KLF3: variants seen among roughly 807,000 people sequenced by gnomAD.
KLF3 encodes the protein KLF transcription factor 3, also known as Krueppel-like factor 3.
A neutral mutation model predicts 32.7 loss-of-function variants in KLF3; 6 were observed. The ratio of observed to expected loss-of-function variants is 0.18; its 90% CI spans 0.10 to 0.36. KLF3 has a LOEUF of 0.36. Among genes scored for constraint, KLF3 ranks in the 10% least tolerant of loss-of-function variants. The pLI is 1.00. For synonymous variants in KLF3, 145 were observed against 172.8 expected, an observed-to-expected ratio of 0.84 and a Z score of 1.26; for missense variants, 338 against 449.7, an observed-to-expected ratio of 0.75 and a Z score of 2.25.
At chr4:38,669,816 C>G (rs574451256) in intron 1 of KLF3, among the ~76,000 whole-genome samples, 1 of 131,226 alleles carries the variant, frequency 7.6e-6, no homozygotes, top group East Asian at 2.4e-4. Context: ...TTGCCTGAAC[C>G]TGGGAGGTGG....
In KLF3 at chr4:38,698,291, T is replaced by C. The variant is rs1166653724; in HGVS notation, c.*1028T>C. 6.6e-6 allele frequency: 1 copy of C among 152,628 alleles called. No homozygotes were observed. Among genetic ancestry groups the C allele is most frequent in the African/African-American group, 2.4e-5 (1 of 41,450 alleles). The allele number at this position is 152,628 out of a possible 1,614,324, so 9.5% of individuals were successfully genotyped here. On this transcript the variant is annotated 3_prime_UTR_variant, in exon 6 of 6. Coordinates refer to ENST00000261438, the MANE Select transcript of KLF3 (RefSeq NM_016531.6). ...TGGTTCTTCTTTTACCCAATCTGCT[T>C]ATAGCTTTTTTTGTAAACAGGGAAA...
intron 2 of KLF3, among the ~76,000 whole-genome samples, chr4:38,684,007 A>G (rs1324460823): frequency 6.6e-6 from 1 of 152,152 alleles, no homozygotes; most frequent in Non-Finnish European, 1.5e-5. Context: ...CTGTGCCTGG[A>G]ACCCTCTCTT....
intron 1 of KLF3, among the ~76,000 whole-genome samples, chr4:38,673,460 G>A (rs139803466): frequency 4.6e-5 from 7 of 152,356 alleles, no homozygotes; most frequent in Non-Finnish European, 7.3e-5. Flanking sequence ...GGCCTTGTGA[G>A]ATATGTACAC....
intron 1 of KLF3, among the ~76,000 whole-genome samples, chr4:38,676,937 G>A (rs7669915): frequency 1.4e-5 from 2 of 145,620 alleles, no homozygotes; most frequent in African/African-American, 5.1e-5. Context: ...AGCAAATCAG[G>A]TTCTGTTAGT....
intron 2 of KLF3, among the ~76,000 whole-genome samples, chr4:38,685,927 CCT>C (rs1722679585): frequency 6.6e-6 from 1 of 152,132 alleles, no homozygotes. Flanking sequence ...GAACCTTGTG[CCT>C]CTTTTAATAA....
chr4:38,683,420 G>A (rs73232890), intron 2 of KLF3, among the ~76,000 whole-genome samples: 20,466 of 152,018 alleles, frequency 0.13, 1,826 homozygotes, highest in Non-Finnish European at 0.21. Flanking sequence ...CACTAGCCTT[G>A]TGCTTTGAGG....
chr4:38,693,868 CTT>C (rs1268768388), intron 4 of KLF3, among the ~76,000 whole-genome samples: 2 of 152,158 alleles, frequency 1.3e-5, no homozygotes, highest in Admixed American at 6.5e-5. Flanking sequence ...CCACCACCTT[CTT>C]GCTGAAAAAA....
intron 2 of KLF3, among the ~76,000 whole-genome samples, chr4:38,687,466 T>C (rs911799458): frequency 2.0e-5 from 3 of 152,246 alleles, no homozygotes; most frequent in Admixed American, 1.3e-4. Context: ...TATTTAAAGC[T>C]GGCAGATGAA....
At chr4:38,676,996 T>C (rs1218793294) in intron 1 of KLF3, among the ~76,000 whole-genome samples, 1 of 149,896 alleles carries the variant, frequency 6.7e-6, no homozygotes, top group Non-Finnish European at 1.5e-5. Context: ...AGTTTCGCTT[T>C]TGTTGCCCAA....
intron 5 of KLF3, among the ~76,000 whole-genome samples, chr4:38,695,293 G>A (rs1204827589): frequency 6.6e-6 from 1 of 152,208 alleles, no homozygotes; most frequent in Non-Finnish European, 1.5e-5. Flanking sequence ...TCTTTGTGCA[G>A]CACAAATTAA....
At chr4:38,689,641 T>C in intron 3 of KLF3, 88 bp from the exon 4 acceptor site, 1 of 896,496 alleles carries the variant, frequency 1.1e-6, no homozygotes. Flanking sequence ...GTCATATCTG[T>C]GTTGTAGGTA....
intron 2 of KLF3, among the ~76,000 whole-genome samples, chr4:38,683,768 T>A (rs993723137): frequency 6.6e-6 from 1 of 152,226 alleles, no homozygotes; most frequent in African/African-American, 2.4e-5. Flanking sequence ...TGTGGAAAGA[T>A]TACTTTTGAA....
At chr4:38,669,700 C>G (rs1722141544) in intron 1 of KLF3, among the ~76,000 whole-genome samples, 1 of 151,828 alleles carries the variant, frequency 6.6e-6, no homozygotes, top group Admixed American at 6.6e-5. Context: ...CGAGACCAGC[C>G]TAGCCAACAT....
intron 1 of KLF3, among the ~76,000 whole-genome samples, chr4:38,678,625 G>A (rs1280863067): frequency 6.6e-6 from 1 of 152,160 alleles, no homozygotes. Flanking sequence ...GCACAAGAAC[G>A]ACATAGTATC....
rs1461998641 is a variant in KLF3 at position 38,697,522 on chromosome 4, T to C, written c.*259T>C. Reference sequence around the variant, plus strand: ...TCTGGGGATGCTAAGCAAACCCTTCTTACAGATACGTTTAATGTAATAAGA... The same window carrying C: ...TCTGGGGATGCTAAGCAAACCCTTCCTACAGATACGTTTAATGTAATAAGA... On this transcript the variant is annotated 3_prime_UTR_variant, in exon 6 of 6. Coordinates refer to ENST00000261438, the MANE Select transcript of KLF3 (RefSeq NM_016531.6). 4 of 374,950 alleles carry C rather than the reference T, an allele frequency of 1.1e-5. No homozygotes were observed. The highest frequency in any genetic ancestry group is 1.9e-5 in the Non-Finnish European group (4 of 208,554). The allele number at this position is 374,950 out of a possible 1,614,324, so 23.2% of individuals were successfully genotyped here.
intron 2 of KLF3, 122 bp downstream of exon 2, chr4:38,680,804 ACT>A (rs1722499460): frequency 1.4e-6 from 1 of 705,806 alleles, no homozygotes; most frequent in Non-Finnish European, 2.5e-6. Context: ...TAATCCCAGC[ACT>A]TTGGGAGACC....
chr4:38,697,046 A>G lies in KLF3; in HGVS notation c.857-36A>G, dbSNP rs556340975. The G allele has an allele frequency of 1.2e-5, 16 of 1,359,770 alleles. No homozygotes were observed. In the South Asian group the frequency reaches 2.2e-4, roughly 19 times the overall value. The allele number at this position is 1,359,770 out of a possible 1,614,324, so 84.2% of individuals were successfully genotyped here. A position where few individuals can be genotyped will look rare whatever the true frequency, so the allele number is the denominator to read the frequency against. On this transcript the variant is annotated intron_variant, in intron 5 of 5. Coordinates refer to ENST00000261438, the MANE Select transcript of KLF3 (RefSeq NM_016531.6). ...TCAAAGATCTTTACTACCTTTACAG[A>G]AAAAAAAAATAGCTCTTTTCTTTTT...
intron 1 of KLF3, among the ~76,000 whole-genome samples, chr4:38,679,157 A>G (rs1195227970): frequency 2.0e-5 from 3 of 152,216 alleles, no homozygotes; most frequent in Admixed American, 2.0e-4. Context: ...TTTCCTAATG[A>G]GGAGAAATCT....
chr4:38,664,751 AG>A (rs140541063), intron 1 of KLF3: 22,283 of 151,740 alleles, frequency 0.15, 1,683 homozygotes, highest in Admixed American at 0.23. Flanking sequence ...CGGGGCTGGC[AG>A]CGCCCGCCGC....
Sources: allele counts gnomAD v4.1 joint callset (sites outside exome capture counted in the v4.1 genomes callset), GRCh38; gene constraint gnomAD v4.1.1; transcripts MANE v1.5; gene names NCBI Gene and HGNC (gene_info 2026-07-23, HGNC 2026-07-21).